OSBPL8: variants seen among roughly 807,000 people sequenced by gnomAD.
The protein encoded by OSBPL8 is oxysterol-binding protein-related protein 8.
Under a neutral mutation model 125.5 loss-of-function variants are expected in OSBPL8, and 59 were observed. The ratio of observed to expected loss-of-function variants is 0.47; its 90% CI spans 0.38 to 0.58. OSBPL8 has a LOEUF of 0.58. OSBPL8 is among the 20% of genes least tolerant of loss of function. The pLI is 0.00. For synonymous variants in OSBPL8, 330 were observed against 338.9 expected (o/e 0.97, Z 0.29); for missense variants, 758 against 1,047.8 (o/e 0.72, Z 3.82).
intron 4 of OSBPL8, among the ~76,000 whole-genome samples, chr12:76,437,163 C>A (rs564021538): frequency 1.3e-3 from 191 of 152,218 alleles, no homozygotes; most frequent in African/African-American, 4.5e-3. Flanking sequence ...TTCCTAGAAG[C>A]ATAAAAACAA....
intron 12 of OSBPL8, among the ~76,000 whole-genome samples, chr12:76,387,379 AC>A (rs1953358890): frequency 6.6e-6 from 1 of 152,180 alleles, no homozygotes; most frequent in Non-Finnish European, 1.5e-5. Flanking sequence ...TTATTCTTCA[AC>A]CTGCTCTTGT....
intron 1 of OSBPL8, among the ~76,000 whole-genome samples, chr12:76,511,732 G>A (rs1388507178): frequency 5.9e-5 from 9 of 152,160 alleles, no homozygotes. Context: ...AGCTTAATTA[G>A]ATCCCACTTG....
chr12:76,362,985 G>A (rs1952265459), intron 21 of OSBPL8, among the ~76,000 whole-genome samples: 2 of 152,166 alleles, frequency 1.3e-5, no homozygotes, highest in South Asian at 2.1e-4. Flanking sequence ...GGATGTGAAG[G>A]ACCTGTTCAA....
chr12:76,476,255 CCCAGAA>C (rs1235232383), intron 2 of OSBPL8, among the ~76,000 whole-genome samples: 5 of 151,986 alleles, frequency 3.3e-5, no homozygotes, highest in African/African-American at 1.2e-4. Context: ...CAGTAATATT[CCCAGAA>C]GAATATTATT....
At chr12:76,541,304 C>T (rs185747882) in intron 1 of OSBPL8, among the ~76,000 whole-genome samples, 31 of 151,918 alleles carry the variant, frequency 2.0e-4, no homozygotes, top group Admixed American at 1.8e-3. Flanking sequence ...TACTGTGAAC[C>T]CCATCTCCAC....
intron 1 of OSBPL8, among the ~76,000 whole-genome samples, chr12:76,542,688 C>T (rs1950679450): frequency 6.6e-6 from 1 of 152,210 alleles, no homozygotes; most frequent in South Asian, 2.1e-4. Context: ...CCCTCCAAAC[C>T]ACTACTCACT....
chr12:76,501,817 C>T (rs146029488), intron 1 of OSBPL8, among the ~76,000 whole-genome samples: 15 of 152,228 alleles, frequency 9.9e-5, no homozygotes, highest in Non-Finnish European at 1.5e-4. Context: ...AGGTAGATTA[C>T]GTTGAGCTGC....
At chr12:76,476,738 G>T (rs1876851918) in intron 2 of OSBPL8, among the ~76,000 whole-genome samples, 6 of 152,082 alleles carry the variant, frequency 3.9e-5, no homozygotes, top group Admixed American at 3.9e-4. Context: ...AAATAATTCT[G>T]AAAACCTACA....
chr12:76,427,343 A>G (rs918606551), intron 4 of OSBPL8, among the ~76,000 whole-genome samples: 2 of 152,024 alleles, frequency 1.3e-5, no homozygotes, highest in Non-Finnish European at 2.9e-5. Flanking sequence ...ATACTCGCAC[A>G]TATGTGTATA....
chr12:76,500,442 G>T (rs1301651253), intron 1 of OSBPL8, among the ~76,000 whole-genome samples: 2 of 152,104 alleles, frequency 1.3e-5, no homozygotes, highest in African/African-American at 4.8e-5. Context: ...CCCCTAACTA[G>T]AAGTATTCTC....
At chr12:76,382,620 C>T (rs1190329815) in intron 15 of OSBPL8, among the ~76,000 whole-genome samples, 9 of 152,138 alleles carry the variant, frequency 5.9e-5, no homozygotes, top group African/African-American at 2.2e-4. Flanking sequence ...CAGTGGCTCA[C>T]GCCTGTAACC....
intron 12 of OSBPL8, 110 bp downstream of exon 12, chr12:76,389,535 T>C: frequency 1.2e-6 from 1 of 820,762 alleles, no homozygotes; most frequent in Non-Finnish European, 1.8e-6. Context: ...CAGAGAGTGA[T>C]GTCTCATTAG....
At chr12:76,442,226 T>G (rs1324525045) in intron 4 of OSBPL8, among the ~76,000 whole-genome samples, 1 of 152,202 alleles carries the variant, frequency 6.6e-6, no homozygotes, top group Non-Finnish European at 1.5e-5. Context: ...TTATTCATTC[T>G]TACTTTTCAA....
At chr12:76,432,150 T>G (rs1263068532) in intron 4 of OSBPL8, among the ~76,000 whole-genome samples, 1 of 151,972 alleles carries the variant, frequency 6.6e-6, no homozygotes, top group Non-Finnish European at 1.5e-5. Context: ...TAAACACACT[T>G]GAACAATCAT....
intron 2 of OSBPL8, among the ~76,000 whole-genome samples, chr12:76,479,354 T>C (rs1224775792): frequency 6.6e-6 from 1 of 152,174 alleles, no homozygotes; most frequent in African/African-American, 2.4e-5. Flanking sequence ...ACAAAATTTT[T>C]TTAAAAATTA....
At position 76,553,649 on chromosome 12, in the gene OSBPL8, CCTAG is replaced by C. The variant is rs368002546; in HGVS notation, c.-68+5744_-68+5747del. On this transcript the variant is annotated intron_variant, in intron 1 of 23. Coordinates refer to ENST00000261183, the MANE Select transcript of OSBPL8 (RefSeq NM_020841.5). ...GGTAGTGAGTGCCACTGCACTCCAG[CCTAG>C]GTGACAGCTCAAGACCCTGTATCAG... 1.9e-3 allele frequency among the ~76,000 whole-genome samples: 289 copies of C among 151,170 alleles called. 1 individual carries two copies. Among genetic ancestry groups the C allele is most frequent in the African/African-American group, 6.7e-3 (274 of 41,122 alleles).
chr12:76,446,112 T>A (rs952586254), intron 4 of OSBPL8, among the ~76,000 whole-genome samples: 1 of 152,188 alleles, frequency 6.6e-6, no homozygotes, highest in Non-Finnish European at 1.5e-5. Context: ...AAGAATTCCA[T>A]GAGCTAAGGC....
At chr12:76,508,656 C>T (rs899510421) in intron 1 of OSBPL8, among the ~76,000 whole-genome samples, 2 of 152,100 alleles carry the variant, frequency 1.3e-5, no homozygotes, top group Admixed American at 6.5e-5. Flanking sequence ...CCATCAAAAC[C>T]GAGATGGCAA....
intron 11 of OSBPL8, 193 bp from the exon 12 acceptor site, chr12:76,390,022 A>T (rs963130842): frequency 1.1e-4 from 47 of 428,224 alleles, no homozygotes; most frequent in Admixed American, 8.1e-5. Context: ...AAAAGACATC[A>T]AAGTGAACAA....
Sources: gnomAD v4.1 joint callset for allele counts (sites outside exome capture counted in the v4.1 genomes callset) on GRCh38, gnomAD v4.1.1 for gene constraint, MANE v1.5 for transcripts, NCBI Gene and HGNC (gene_info 2026-07-23, HGNC 2026-07-21) for gene names.